CPED1: variants seen among roughly 807,000 people sequenced by gnomAD.
CPED1 encodes the protein cadherin like and PC-esterase domain containing 1.
Under a neutral mutation model 128.2 loss-of-function variants are expected in CPED1, and 114 were observed. The observed-to-expected ratio is 0.89, with a 90% confidence interval of 0.76 to 1.04. The LOEUF (loss-of-function observed/expected upper bound fraction) is 1.04. Among genes scored for constraint, CPED1 ranks in the 50% least tolerant of loss-of-function variants. The probability of loss-of-function intolerance (pLI) is 0.00; values close to 1 mark genes in which losing one functional copy is unlikely to be tolerated. For synonymous variants in CPED1, 462 were observed against 426.7 expected (o/e 1.08, Z -1.02); for missense variants, 1,211 against 1,207.1 (o/e 1.00, Z -0.05).
intron 16 of CPED1, among the ~76,000 whole-genome samples, chr7:121,162,196 T>A (rs2116438680): frequency 6.6e-6 from 1 of 152,326 alleles, no homozygotes; most frequent in South Asian, 2.1e-4. Flanking sequence ...GGACTATGGC[T>A]AAGTGGAAAG....
chr7:121,007,971 T>TCTTTC (rs1269662980), intron 2 of CPED1, among the ~76,000 whole-genome samples: 4 of 151,852 alleles, frequency 2.6e-5, no homozygotes, highest in Non-Finnish European at 5.9e-5. Flanking sequence ...TTCACTGTTT[T>TCTTTC]CTTTTCTTTT....
intron 16 of CPED1, among the ~76,000 whole-genome samples, chr7:121,156,361 A>G (rs1303995340): frequency 6.6e-6 from 1 of 152,222 alleles, no homozygotes; most frequent in Non-Finnish European, 1.5e-5. Flanking sequence ...AAAGAAAGTC[A>G]ATATAGGTAA....
chr7:121,038,229 ATGCTT>A (rs1792953147), intron 3 of CPED1, among the ~76,000 whole-genome samples: 1 of 151,790 alleles, frequency 6.6e-6, no homozygotes, highest in South Asian at 2.1e-4. Flanking sequence ...CTCAGGGGGA[ATGCTT>A]TCAACTTTTC....
rs1005838311 is a variant in CPED1 at position 121,296,035 on chromosome 7, G to A, written c.*383G>A. 1.9e-5 allele frequency: 3 copies of A among 159,810 alleles called. No homozygotes were observed. The East Asian group carries it at 5.5e-4, about 29-fold the overall frequency. 9.9% of individuals were successfully genotyped at this position (159,810 alleles called of 1,614,324 possible). On this transcript the variant is annotated 3_prime_UTR_variant, in exon 23 of 23. Transcript: ENST00000310396. ...TTCATGTTGTCTTACCATATCTATA[G>A]GTACATCAATATTGAAAAGGAGAAA...
chr7:121,255,384 C>A (rs554251356), intron 18 of CPED1, among the ~76,000 whole-genome samples: 1 of 151,856 alleles, frequency 6.6e-6, no homozygotes, highest in East Asian at 1.9e-4. Flanking sequence ...AAACTCTCAA[C>A]AAACTAGGCA....
intron 16 of CPED1, among the ~76,000 whole-genome samples, chr7:121,150,141 T>C (rs1195570304): frequency 2.0e-5 from 3 of 151,720 alleles, no homozygotes; most frequent in African/African-American, 4.8e-5. Context: ...TGGGGTACAA[T>C]TGAACCCACC....
chr7:121,276,436 T>C (rs575105988), intron 22 of CPED1, among the ~76,000 whole-genome samples: 1 of 152,148 alleles, frequency 6.6e-6, no homozygotes, highest in African/African-American at 2.4e-5. Context: ...CATTCAACAT[T>C]TATTTTGTGG....
chr7:121,133,702 GT>G (rs554098571), intron 12 of CPED1, 120 bp from the exon 13 acceptor site: 8 of 632,328 alleles, frequency 1.3e-5, no homozygotes, highest in Admixed American at 3.1e-5. Flanking sequence ...TGCAGAAAGC[GT>G]TTTTTTGTGT....
chr7:121,063,862 A>G (rs1793750579), intron 4 of CPED1, among the ~76,000 whole-genome samples: 1 of 152,158 alleles, frequency 6.6e-6, no homozygotes, highest in African/African-American at 2.4e-5. Flanking sequence ...GAAGTGAAGA[A>G]TGTTTATGAA....
chr7:121,038,813 T>A (rs1300150188), intron 3 of CPED1, among the ~76,000 whole-genome samples: 4 of 151,962 alleles, frequency 2.6e-5, no homozygotes, highest in Non-Finnish European at 5.9e-5. Flanking sequence ...TGTCCCTCAG[T>A]GGGAATTTGC....
chr7:121,208,041 C>T (rs1797560100), intron 16 of CPED1, among the ~76,000 whole-genome samples: 2 of 151,972 alleles, frequency 1.3e-5, no homozygotes, highest in South Asian at 4.2e-4. Flanking sequence ...TACCTCTAGA[C>T]TCACTTGTCT....
intron 5 of CPED1, among the ~76,000 whole-genome samples, chr7:121,094,724 G>C (rs1794657913): frequency 6.6e-6 from 1 of 152,118 alleles, no homozygotes; most frequent in African/African-American, 2.4e-5. Context: ...GAAAGCCCAG[G>C]TCTCCTGTTT....
At chr7:121,016,737 G>C (rs1792311413) in intron 3 of CPED1, among the ~76,000 whole-genome samples, 1 of 152,098 alleles carries the variant, frequency 6.6e-6, no homozygotes, top group Admixed American at 6.5e-5. Context: ...CTATCATTTT[G>C]AGAGCTACAA....
At chr7:121,245,300 T>A (rs1226996763) in intron 18 of CPED1, among the ~76,000 whole-genome samples, 1 of 152,096 alleles carries the variant, frequency 6.6e-6, no homozygotes, top group Non-Finnish European at 1.5e-5. Context: ...TCTCTAAAGA[T>A]CAATCAGTAG....
chr7:121,290,117 C>T (rs1792664533), intron 22 of CPED1, among the ~76,000 whole-genome samples: 1 of 152,162 alleles, frequency 6.6e-6, no homozygotes, highest in Non-Finnish European at 1.5e-5. Context: ...TCATCCATGT[C>T]ACTGCAAAGC....
At chr7:121,288,158 T>G (rs1362446590) in intron 22 of CPED1, among the ~76,000 whole-genome samples, 1 of 152,234 alleles carries the variant, frequency 6.6e-6, no homozygotes, top group Non-Finnish European at 1.5e-5. Flanking sequence ...GCTCCTGGAT[T>G]CAATTCACAA....
At chr7:121,113,611 TAAGAG>T (rs1280276876) in intron 7 of CPED1, among the ~76,000 whole-genome samples, 2 of 152,030 alleles carry the variant, frequency 1.3e-5, no homozygotes, top group African/African-American at 4.8e-5. Context: ...TGAATGTCCT[TAAGAG>T]AAGGGAGAAT....
At chr7:121,092,076 A>G (rs1363032244) in intron 5 of CPED1, among the ~76,000 whole-genome samples, 10 of 152,044 alleles carry the variant, frequency 6.6e-5, no homozygotes, top group Admixed American at 5.9e-4. Context: ...ATGCTTTCCC[A>G]TGCTCATTGT....
intron 22 of CPED1, among the ~76,000 whole-genome samples, chr7:121,288,816 GTATAAA>G (rs1562863824): frequency 3.9e-5 from 6 of 152,046 alleles, no homozygotes; most frequent in Admixed American, 1.3e-4. Context: ...AGATAAAATC[GTATAAA>G]CAAAATTAAC....
Sources: gnomAD v4.1 joint callset for allele counts (sites outside exome capture counted in the v4.1 genomes callset) on GRCh38, gnomAD v4.1.1 for gene constraint, MANE v1.5 for transcripts, NCBI Gene and HGNC (gene_info 2026-07-23, HGNC 2026-07-21) for gene names.